Variants in PALM2AKAP2 observed in about 807,000 individuals in gnomAD.
The protein encoded by PALM2AKAP2 is PALM2 and AKAP2 fusion.
Under a neutral mutation model 71.5 loss-of-function variants are expected in PALM2AKAP2, and 37 were observed. The ratio of observed to expected loss-of-function variants is 0.52; its 90% CI spans 0.40 to 0.68. PALM2AKAP2 has a LOEUF of 0.68. Ranked by LOEUF, PALM2AKAP2 falls within the 30% of genes least tolerant of loss-of-function variation. PALM2AKAP2 has a pLI of 0.00. For synonymous variants in PALM2AKAP2, 468 were observed against 478.8 expected, an observed-to-expected ratio of 0.98 and a Z score of 0.29; for missense variants, 1,224 against 1,191.8, an observed-to-expected ratio of 1.03 and a Z score of -0.40.
intron 6 of PALM2AKAP2, among the ~76,000 whole-genome samples, chr9:109,965,463 C>T (rs916315443): frequency 6.6e-6 from 1 of 152,140 alleles, no homozygotes; most frequent in African/African-American, 2.4e-5. Context: ...AAACATAGTG[C>T]TAAGTTAAAC....
intron 1 of PALM2AKAP2, among the ~76,000 whole-genome samples, chr9:109,722,571 A>T (rs150308420): frequency 7.9e-5 from 12 of 152,188 alleles, no homozygotes; most frequent in African/African-American, 2.7e-4. Flanking sequence ...CAGGAGCTCA[A>T]TACTAGCCTG....
intron 1 of PALM2AKAP2, among the ~76,000 whole-genome samples, chr9:110,079,591 A>G (rs555481179): frequency 1.6e-3 from 249 of 152,238 alleles, no homozygotes; most frequent in African/African-American, 5.7e-3. Flanking sequence ...GACTTGGGGA[A>G]AAAAAAATCA....
intron 3 of PALM2AKAP2, among the ~76,000 whole-genome samples, chr9:109,887,883 T>C (rs1167569209): frequency 6.6e-6 from 1 of 152,198 alleles, no homozygotes; most frequent in Non-Finnish European, 1.5e-5. Context: ...AACGTGCACC[T>C]CGTGATGTAG....
chr9:109,785,249 T>A (rs1036601813), intron 1 of PALM2AKAP2, among the ~76,000 whole-genome samples: 4 of 152,216 alleles, frequency 2.6e-5, no homozygotes, highest in Non-Finnish European at 5.9e-5. Context: ...GTCATTTAAT[T>A]AGAACCCACT....
chr9:110,068,111 A>ATTTTTTTTTTTTTTTTT, intron 1 of PALM2AKAP2, among the ~76,000 whole-genome samples: 1 of 122,082 alleles, frequency 8.2e-6, no homozygotes, highest in Non-Finnish European at 1.6e-5. Flanking sequence ...TTTTGGTAAG[A>ATTTTTTTTTTTTTTTTT]TAATTTTGAA....
At chr9:109,716,582 C>A (rs763940385) in intron 1 of PALM2AKAP2, among the ~76,000 whole-genome samples, 1 of 96,946 alleles carries the variant, frequency 1.0e-5, no homozygotes, top group African/African-American at 3.1e-5. Context: ...CTGGCAGGTA[C>A]CTGGAAAGAC....
chr9:109,826,501 G>A (rs937640395), intron 1 of PALM2AKAP2, among the ~76,000 whole-genome samples: 2 of 152,086 alleles, frequency 1.3e-5, no homozygotes, highest in African/African-American at 2.4e-5. Flanking sequence ...AGGGATTCTT[G>A]GACCCCTCAA....
chr9:109,907,378 C>T (rs139168119), intron 3 of PALM2AKAP2, among the ~76,000 whole-genome samples: 222 of 152,292 alleles, frequency 1.5e-3, no homozygotes, highest in Middle Eastern at 6.8e-3. Flanking sequence ...CCTTCCAAGA[C>T]CTGAAAGACT....
At chr9:109,691,907 C>CACATATATATATAT (rs1827900609) in intron 1 of PALM2AKAP2, among the ~76,000 whole-genome samples, 5 of 69,852 alleles carry the variant, frequency 7.2e-5, no homozygotes, top group South Asian at 4.1e-4. Flanking sequence ...TATATACACA[C>CACATATATATATAT]ACACATATAT....
At chr9:109,693,203 T>C (rs1490255973) in intron 1 of PALM2AKAP2, among the ~76,000 whole-genome samples, 1 of 151,922 alleles carries the variant, frequency 6.6e-6, no homozygotes, top group African/African-American at 2.4e-5. Context: ...GAGTGAGTTT[T>C]GGTGGTTTAT....
intron 1 of PALM2AKAP2, among the ~76,000 whole-genome samples, chr9:110,120,324 C>A (rs1396043117): frequency 6.6e-6 from 1 of 152,180 alleles, no homozygotes; most frequent in Non-Finnish European, 1.5e-5. Context: ...AGTCTAAGAT[C>A]CTTGACAAGG....
At chr9:109,995,584 G>A (rs1173066728) in intron 6 of PALM2AKAP2, among the ~76,000 whole-genome samples, 1 of 152,108 alleles carries the variant, frequency 6.6e-6, no homozygotes, top group Non-Finnish European at 1.5e-5. Flanking sequence ...CTTACATGGC[G>A]GCAGGCAAAG....
At chr9:110,034,167 G>A (rs1316487218) in intron 7 of PALM2AKAP2, among the ~76,000 whole-genome samples, 1 of 151,924 alleles carries the variant, frequency 6.6e-6, no homozygotes, top group Admixed American at 6.6e-5. Flanking sequence ...TTTTTCTATT[G>A]TTTTTTTGAG....
chr9:109,818,775 G>T (rs903975775), intron 1 of PALM2AKAP2, among the ~76,000 whole-genome samples: 1 of 152,128 alleles, frequency 6.6e-6, no homozygotes, highest in Non-Finnish European at 1.5e-5. Context: ...TTCGAAATAA[G>T]ACTTAGGTAC....
chr9:109,913,926 T>G (rs1046712851), intron 3 of PALM2AKAP2, among the ~76,000 whole-genome samples: 2 of 152,004 alleles, frequency 1.3e-5, no homozygotes, highest in East Asian at 3.9e-4. Context: ...CCAGCTAATT[T>G]TTTGTATTTT....
At chr9:109,827,971 G>C (rs1828199282) in intron 1 of PALM2AKAP2, among the ~76,000 whole-genome samples, 2 of 152,248 alleles carry the variant, frequency 1.3e-5, no homozygotes. Flanking sequence ...TAAAGGGCAA[G>C]AGAAGTAGAG....
intron 6 of PALM2AKAP2, among the ~76,000 whole-genome samples, chr9:109,992,449 G>A (rs534615127): frequency 6.6e-6 from 1 of 152,120 alleles, no homozygotes; most frequent in South Asian, 2.1e-4. Context: ...TTTGAGACAG[G>A]GTCTACTTCT....
intron 1 of PALM2AKAP2, among the ~76,000 whole-genome samples, chr9:109,644,000 C>CG (rs5899860): frequency 0.33 from 50,340 of 151,430 alleles, 8,764 homozygotes; most frequent in African/African-American, 0.43. Flanking sequence ...CAAGGGGTGG[C>CG]GGGGGTGTCA....
Position 110,136,527 on chromosome 9 carries a change from C to T in PALM2AKAP2, c.557C>T (p.Ala186Val), listed in dbSNP as rs147894013. The T allele has an allele frequency of 4.3e-5, 69 of 1,613,340 alleles. No individual in the cohort carries two copies. In the South Asian group the frequency reaches 4.9e-4, roughly 12 times the overall value. The change falls in exon 2 of 4, where the codon GCG becomes GTG. Residue 186 changes from alanine to valine, a missense_variant. By Grantham distance (64) the Ala-to-Val change is moderately conservative. Coordinates refer to ENST00000374525, the Ensembl canonical transcript of PALM2AKAP2. The stretch of plus-strand genomic sequence containing the variant: ...GGCCTAAGCCCCCCTGTCCACGAGG[C>T]GACCCAGCCAGAACCCACTGAAAGA...
Sources: allele counts gnomAD v4.1 joint callset (sites outside exome capture counted in the v4.1 genomes callset), GRCh38; gene constraint gnomAD v4.1.1; transcripts MANE v1.5; gene names NCBI Gene and HGNC (gene_info 2026-07-23, HGNC 2026-07-21).